Variants in SMYD3 observed in about 807,000 individuals in gnomAD.
SMYD3 encodes the protein histone-lysine N-methyltransferase SMYD3.
Under a neutral mutation model 57.7 loss-of-function variants are expected in SMYD3, and 36 were observed. The ratio of observed to expected loss-of-function variants is 0.62; its 90% confidence interval spans 0.48 to 0.82. The LOEUF is 0.82. Among genes scored for constraint, SMYD3 ranks in the 40% least tolerant of loss-of-function variants. SMYD3 has a pLI of 0.00. For synonymous variants in SMYD3, 211 were observed against 195.0 expected, an observed-to-expected ratio of 1.08 and a Z score of -0.68; for missense variants, 515 against 538.8, an observed-to-expected ratio of 0.96 and a Z score of 0.44.
intron 1 of SMYD3, among the ~76,000 whole-genome samples, chr1:246,408,663 C>CTTTTTTTT (rs5782392): frequency 6.1e-5 from 4 of 65,538 alleles, no homozygotes; most frequent in African/African-American, 1.7e-4. Flanking sequence ...AGAAGCAAGT[C>CTTTTTTTT]TTTTTTTTTT....
At chr1:246,230,689 A>G (rs2063396220) in intron 5 of SMYD3, among the ~76,000 whole-genome samples, 1 of 152,310 alleles carries the variant, frequency 6.6e-6, no homozygotes. Context: ...TTGAGAAGAA[A>G]TTCTCCCAGA....
chr1:245,831,836 A>G (rs1267795001), intron 10 of SMYD3, among the ~76,000 whole-genome samples: 1 of 152,188 alleles, frequency 6.6e-6, no homozygotes, highest in East Asian at 1.9e-4. Context: ...TGGCCAAATG[A>G]TTTAAGTGTG....
At chr1:246,108,520 A>T (rs1235683288) in intron 5 of SMYD3, 1 of 152,180 alleles carries the variant, frequency 6.6e-6, no homozygotes, top group East Asian at 1.9e-4. Flanking sequence ...ATATCATACA[A>T]ATTGATTCTG....
chr1:246,049,623 CA>C (rs1436426143), intron 5 of SMYD3, among the ~76,000 whole-genome samples: 3 of 152,072 alleles, frequency 2.0e-5, no homozygotes, highest in African/African-American at 7.2e-5. Flanking sequence ...GTGTTTTAAA[CA>C]CAAAAAACAC....
chr1:245,921,703 A>C (rs1012321568), intron 7 of SMYD3, among the ~76,000 whole-genome samples: 1 of 152,162 alleles, frequency 6.6e-6, no homozygotes, highest in Non-Finnish European at 1.5e-5. Context: ...CAGCAATTAC[A>C]GATTTCTCAT....
chr1:245,922,341 T>C (rs543956111), intron 7 of SMYD3, among the ~76,000 whole-genome samples: 2 of 152,228 alleles, frequency 1.3e-5, no homozygotes, highest in Non-Finnish European at 2.9e-5. Flanking sequence ...CAGAGGAGCA[T>C]GTATTAGAAC....
intron 5 of SMYD3, among the ~76,000 whole-genome samples, chr1:246,250,981 ATAG>A (rs1393815643): frequency 1.3e-5 from 2 of 152,224 alleles, no homozygotes; most frequent in Non-Finnish European, 2.9e-5. Flanking sequence ...TTGTGGGTAC[ATAG>A]TAGGTGTATA....
chr1:246,124,038 G>T (rs2061467353), intron 5 of SMYD3, among the ~76,000 whole-genome samples: 1 of 152,112 alleles, frequency 6.6e-6, no homozygotes. Context: ...TTCCACAAAA[G>T]ATGTTGTCTT....
intron 4 of SMYD3, 70 bp from the exon 5 acceptor site, chr1:246,327,407 A>G: frequency 7.3e-7 from 1 of 1,361,924 alleles, no homozygotes; most frequent in South Asian, 1.3e-5. Context: ...CAAGTGTTCA[A>G]TGCTGGCTGT....
At chr1:246,246,380 A>T (rs939728514) in intron 5 of SMYD3, among the ~76,000 whole-genome samples, 1 of 152,148 alleles carries the variant, frequency 6.6e-6, no homozygotes, top group African/African-American at 2.4e-5. Context: ...TTGTAAAAAT[A>T]TATTTTTCTA....
At chr1:246,073,084 G>A (rs375547077) in intron 5 of SMYD3, among the ~76,000 whole-genome samples, 3 of 152,266 alleles carry the variant, frequency 2.0e-5, no homozygotes, top group East Asian at 3.9e-4. Flanking sequence ...TTACAACGAT[G>A]GATGCATACA....
At chr1:246,189,721 C>A (rs2062701380) in intron 5 of SMYD3, among the ~76,000 whole-genome samples, 1 of 152,104 alleles carries the variant, frequency 6.6e-6, no homozygotes, top group African/African-American at 2.4e-5. Flanking sequence ...AAGAAAGAGA[C>A]CCCCTACGGT....
intron 1 of SMYD3, among the ~76,000 whole-genome samples, chr1:246,500,404 A>C (rs892571937): frequency 2.0e-5 from 3 of 152,228 alleles, no homozygotes; most frequent in African/African-American, 7.2e-5. Context: ...TGTGGGGAAT[A>C]TCACAGCTCT....
chr1:246,140,355 C>A (rs979122925), intron 5 of SMYD3, among the ~76,000 whole-genome samples: 1 of 152,176 alleles, frequency 6.6e-6, no homozygotes, highest in East Asian at 1.9e-4. Flanking sequence ...TACACGTATT[C>A]TTTGGGACTA....
Position 245,993,968 on chromosome 1 carries a change from C to T in SMYD3, c.532-64031G>A, listed in dbSNP as rs116116635. Among the ~76,000 whole-genome samples, 445 of 152,252 alleles carry T rather than the reference C, an allele frequency of 2.9e-3. 1 individual carries two copies. The highest frequency in any genetic ancestry group is 9.7e-3 in the African/African-American group (402 of 41,536). ...CAATATCCAATATTCCATCCAGGGG[C>T]TTCCTCAAAATGGAAAATCCCCATG... On this transcript the variant is annotated intron_variant, in intron 5 of 11. Transcript: ENST00000490107.
intron 5 of SMYD3, among the ~76,000 whole-genome samples, chr1:246,199,021 G>A (rs944475357): frequency 1.3e-5 from 2 of 152,094 alleles, no homozygotes; most frequent in Non-Finnish European, 2.9e-5. Context: ...CTCGATACAT[G>A]GGTATGTAGT....
intron 5 of SMYD3, among the ~76,000 whole-genome samples, chr1:246,283,233 A>G (rs1334803822): frequency 6.6e-6 from 1 of 152,206 alleles, no homozygotes; most frequent in Admixed American, 6.5e-5. Flanking sequence ...CATGTCATCT[A>G]CTTTCCTAAG....
At chr1:246,034,852 C>G (rs2059742262) in intron 5 of SMYD3, among the ~76,000 whole-genome samples, 1 of 152,186 alleles carries the variant, frequency 6.6e-6, no homozygotes, top group Admixed American at 6.5e-5. Context: ...CCAGAGTTCT[C>G]CATCCCCTGC....
chr1:245,830,590 C>T (rs1374748562), intron 10 of SMYD3, among the ~76,000 whole-genome samples: 1 of 152,166 alleles, frequency 6.6e-6, no homozygotes, highest in Admixed American at 6.5e-5. Context: ...TCTTCTGTAA[C>T]TCTATAGAGA....
Sources: gnomAD v4.1 joint callset for allele counts (sites outside exome capture counted in the v4.1 genomes callset) on GRCh38, gnomAD v4.1.1 for gene constraint, MANE v1.5 for transcripts, NCBI Gene and HGNC (gene_info 2026-07-23, HGNC 2026-07-21) for gene names.